GFRA2: variants seen among roughly 807,000 people sequenced by gnomAD.
GFRA2 encodes the protein GDNF family receptor alpha-2.
Under a neutral mutation model 48.3 loss-of-function variants are expected in GFRA2, and 17 were observed. The ratio of observed to expected loss-of-function variants is 0.35; its 90% CI spans 0.24 to 0.53. GFRA2 has a LOEUF of 0.53. Ranked by LOEUF, GFRA2 falls within the 20% of genes least tolerant of loss-of-function variation. The pLI, the probability that GFRA2 is intolerant of heterozygous loss-of-function variation, is 0.93. For synonymous variants in GFRA2, 305 were observed against 257.2 expected (o/e 1.19, Z -1.78); for missense variants, 660 against 637.3 (o/e 1.04, Z -0.38).
chr8:21,780,317 G>A (rs2117731921), intron 2 of GFRA2, among the ~76,000 whole-genome samples: 1 of 152,170 alleles, frequency 6.6e-6, no homozygotes, highest in Non-Finnish European at 1.5e-5. Context: ...AAGAAGCTAA[G>A]AGCCTCAGCC....
At chr8:21,801,762 G>A (rs977653141) in intron 2 of GFRA2, among the ~76,000 whole-genome samples, 12 of 152,068 alleles carry the variant, frequency 7.9e-5, no homozygotes, top group African/African-American at 2.7e-4. Context: ...GCTACAGAAG[G>A]GCCTCCACAT....
intron 3 of GFRA2, among the ~76,000 whole-genome samples, chr8:21,774,295 A>G (rs1345400665): frequency 1.3e-5 from 2 of 152,096 alleles, no homozygotes; most frequent in Non-Finnish European, 2.9e-5. Context: ...TGGTGCCTAC[A>G]TGTGGAGCCT....
chr8:21,751,459 C>G (rs1805291680), intron 3 of GFRA2, among the ~76,000 whole-genome samples: 1 of 152,186 alleles, frequency 6.6e-6, no homozygotes, highest in South Asian at 2.1e-4. Flanking sequence ...GGGAGATCAC[C>G]TCACCCAACC....
upstream of GFRA2, among the ~76,000 whole-genome samples, chr8:21,793,434 T>C (rs1186121675): frequency 6.6e-6 from 1 of 152,098 alleles, no homozygotes; most frequent in Non-Finnish European, 1.5e-5. Context: ...GGCATGATGC[T>C]GGAACACAGG....
At chr8:21,707,832 A>T (rs527658522) in intron 4 of GFRA2, among the ~76,000 whole-genome samples, 1 of 152,210 alleles carries the variant, frequency 6.6e-6, no homozygotes, top group Non-Finnish European at 1.5e-5. Context: ...TGACTTATAC[A>T]CTTACATGGT....
At chr8:21,790,694 C>T (rs370562158), upstream of GFRA2, among the ~76,000 whole-genome samples, 5 of 152,316 alleles carry the variant, frequency 3.3e-5, no homozygotes, top group South Asian at 8.3e-4. Flanking sequence ...TGGGTAGTGA[C>T]GAGTCTGGGA....
Position 21,735,307 on chromosome 8 carries a change from C to T in GFRA2, c.794+15281G>A, listed in dbSNP as rs373371533. ...GATGTCTTCCAAGGCCCCACAGCCA[C>T]TGCCTTTCTATATAGCATACATCTA... On this transcript the variant is annotated intron_variant, in intron 4 of 8. Coordinates refer to ENST00000524240, the MANE Select transcript of GFRA2 (RefSeq NM_001495.5). Among the ~76,000 whole-genome samples the T allele has an allele frequency of 7.4e-4, 112 of 152,342 alleles. 1 individual carries two copies. The South Asian group carries it at 7.9e-3, about 11-fold the overall frequency.
chr8:21,696,673 C>T (rs144589115), intron 7 of GFRA2, among the ~76,000 whole-genome samples: 2,422 of 152,238 alleles, frequency 0.016, 61 homozygotes, highest in African/African-American at 0.053. Flanking sequence ...GGCCGACGCT[C>T]CAGAGAGCAA....
At chr8:21,751,083 T>A in intron 3 of GFRA2, 141 bp from the exon 4 acceptor site, 1 of 647,992 alleles carries the variant, frequency 1.5e-6, no homozygotes, top group Non-Finnish European at 2.7e-6. Flanking sequence ...CTTTGCGAAA[T>A]GGGGATCACT....
chr8:21,782,935 G>A (rs939367834), intron 1 of GFRA2, 36 bp from the exon 2 acceptor site: 114 of 1,516,940 alleles, frequency 7.5e-5, no homozygotes, highest in Non-Finnish European at 9.4e-5. Flanking sequence ...CATGAATGAC[G>A]GCCGCCACAA....
chr8:21,702,073 G>A (rs992013957), intron 7 of GFRA2, among the ~76,000 whole-genome samples: 4 of 152,192 alleles, frequency 2.6e-5, no homozygotes, highest in Non-Finnish European at 4.4e-5. Context: ...TGAGCTGCCC[G>A]CCGCTCTAGC....
At chr8:21,695,740 G>A (rs1472472053) in intron 7 of GFRA2, among the ~76,000 whole-genome samples, 1 of 152,118 alleles carries the variant, frequency 6.6e-6, no homozygotes, top group African/African-American at 2.4e-5. Flanking sequence ...GTGAGGCCAC[G>A]GGGAAGGGTG....
Position 21,693,305 on chromosome 8 carries a change from A to G in GFRA2, c.1368T>C (p.Ser456=), listed in dbSNP as rs771192521. The part of the protein sequence containing the change: ...ARPSAALTVL[S]VLMLKLAL The stretch of plus-strand genomic sequence containing the variant: ...ACAAGGCCAGTTTCAGCATCAGGAC[A>G]GACAGCACGGTCAAGGCAGCCGACG... Residue 456 remains serine (S), a synonymous_variant, in exon 9 of 9, where the codon TCT becomes TCC. Coordinates refer to ENST00000524240, the MANE Select transcript of GFRA2 (RefSeq NM_001495.5). 3 of 1,613,500 alleles carry G rather than the reference A, an allele frequency of 1.9e-6. No homozygotes were observed. The highest frequency in any genetic ancestry group is 2.5e-6 in the Non-Finnish European group (3 of 1,179,716).
At chr8:21,810,854 G>T (rs1238173993) in intron 1 of GFRA2, among the ~76,000 whole-genome samples, 1 of 152,126 alleles carries the variant, frequency 6.6e-6, no homozygotes, top group African/African-American at 2.4e-5. Flanking sequence ...GGAGCCCCCA[G>T]CAACCAAGCA....
intron 2 of GFRA2, among the ~76,000 whole-genome samples, chr8:21,778,264 T>C (rs1806808204): frequency 6.6e-6 from 1 of 152,136 alleles, no homozygotes; most frequent in African/African-American, 2.4e-5. Flanking sequence ...CAACAGGCCA[T>C]GGACGCTTAC....
chr8:21,778,708 T>C lies in GFRA2; in HGVS notation c.356-3653A>G, dbSNP rs1171230063. 3.9e-5 allele frequency among the ~76,000 whole-genome samples: 6 copies of C among 152,044 alleles called. No individual in the cohort carries two copies. The South Asian group carries it at 8.3e-4, about 21-fold the overall frequency. ...AAGTTTGAGGACAGCCTGGGCAATATAGCAAGACCCCACCTCCATAAAAAA... is the reference window on the plus strand; with the variant it reads ...AAGTTTGAGGACAGCCTGGGCAATACAGCAAGACCCCACCTCCATAAAAAA... On this transcript the variant is annotated intron_variant, in intron 2 of 8. Transcript: ENST00000524240.
rs59344047 is a variant in GFRA2, at chr8:21,754,505, C to CTTT, written c.440-3566_440-3564dup. On this transcript the variant is annotated intron_variant, in intron 3 of 8. Coordinates refer to ENST00000524240, the MANE Select transcript of GFRA2 (RefSeq NM_001495.5). The stretch of plus-strand genomic sequence containing the variant: ...CTGACCAACAATGGTCTTTTTTTTT[C>CTTT]TTTTTTTTTTTTTTTTTTTTGAGTC... 1.1e-3 allele frequency among the ~76,000 whole-genome samples: 131 copies of CTTT among 121,214 alleles called. 1 individual carries two copies. The highest frequency in any genetic ancestry group is 1.4e-3 in the African/African-American group (45 of 31,506). The allele number at this position is 121,214 out of a possible 152,430, so 79.5% of individuals were successfully genotyped here.
At chr8:21,810,730 A>G (rs1052365397) in intron 1 of GFRA2, among the ~76,000 whole-genome samples, 2 of 152,078 alleles carry the variant, frequency 1.3e-5, no homozygotes, top group African/African-American at 4.8e-5. Context: ...ACTCTATGGA[A>G]AAAAAAGGAG....
chr8:21,709,880 C>A (rs1802931138), intron 4 of GFRA2, among the ~76,000 whole-genome samples: 1 of 152,212 alleles, frequency 6.6e-6, no homozygotes, highest in Non-Finnish European at 1.5e-5. Context: ...GGAACAGCAG[C>A]ATGAATGGGG....
Sources: gnomAD v4.1 joint callset for allele counts (sites outside exome capture counted in the v4.1 genomes callset) on GRCh38, gnomAD v4.1.1 for gene constraint, MANE v1.5 for transcripts, NCBI Gene and HGNC (gene_info 2026-07-23, HGNC 2026-07-21) for gene names.